Variants in PLD5 observed in about 807,000 individuals in gnomAD.
PLD5 encodes the protein inactive phospholipase D5.
Under a neutral mutation model 61.1 loss-of-function variants are expected in PLD5, and 36 were observed. The observed-to-expected ratio is 0.59, with a 90% confidence interval of 0.45 to 0.78. The LOEUF is 0.78. Ranked by LOEUF, PLD5 falls within the 30% of genes least tolerant of loss-of-function variation. The pLI, the probability that PLD5 is intolerant of heterozygous loss-of-function variation, is 0.00. For missense variants in PLD5, 515 were observed against 644.4 expected (o/e 0.80, Z 2.17); for synonymous variants, 243 against 242.8 (o/e 1.00, Z -0.01).
intron 5 of PLD5, among the ~76,000 whole-genome samples, chr1:242,204,856 C>T (rs1003824880): frequency 6.6e-6 from 1 of 152,122 alleles, no homozygotes. Flanking sequence ...CTATGTTATA[C>T]TGCCAAACAA....
chr1:242,381,266 G>A (rs1205113870), intron 1 of PLD5, among the ~76,000 whole-genome samples: 1 of 152,152 alleles, frequency 6.6e-6, no homozygotes, highest in East Asian at 1.9e-4. Context: ...AATGGAGCTG[G>A]AGGCCATTAT....
At chr1:242,335,307 C>A (rs1010327674) in intron 2 of PLD5, among the ~76,000 whole-genome samples, 1 of 152,150 alleles carries the variant, frequency 6.6e-6, no homozygotes, top group African/African-American at 2.4e-5. Flanking sequence ...GAATCAATAA[C>A]ACTGGATCCT....
intron 5 of PLD5, among the ~76,000 whole-genome samples, chr1:242,195,149 A>G (rs1454708558): frequency 3.9e-5 from 6 of 152,254 alleles, no homozygotes; most frequent in Non-Finnish European, 5.9e-5. Flanking sequence ...GACTTTTCTA[A>G]CAAAAAGAGA....
intron 8 of PLD5, among the ~76,000 whole-genome samples, chr1:242,106,638 C>T (rs960308436): frequency 2.6e-5 from 4 of 152,214 alleles, no homozygotes; most frequent in East Asian, 3.8e-4. Context: ...CCTCCAATTT[C>T]GCTCTTCTCC....
intron 2 of PLD5, among the ~76,000 whole-genome samples, chr1:242,320,822 A>G (rs973084735): frequency 1.3e-5 from 2 of 152,150 alleles, no homozygotes; most frequent in African/African-American, 4.8e-5. Context: ...TTGGGATTTA[A>G]TTGATTTGGG....
chr1:242,089,101 C>A lies in PLD5; in HGVS notation c.*753G>T, dbSNP rs182496882. 2 of 380,710 alleles carry A rather than the reference C, an allele frequency of 5.3e-6. No individual in the cohort carries two copies. Among genetic ancestry groups the A allele is most frequent in the Non-Finnish European group, 9.3e-6 (2 of 215,326 alleles). 23.6% of individuals were successfully genotyped at this position (380,710 alleles called of 1,614,324 possible). On this transcript the variant is annotated 3_prime_UTR_variant, in exon 10 of 10. Coordinates refer to ENST00000536534, the MANE Select transcript of PLD5 (RefSeq NM_001372062.1). ...CTGTGATTTTTTTTAAATACCAATT[C>A]GGTAGGGGAAAAAAGGATTCAGTTG...
rs987430489 is a variant in PLD5 at position 242,139,546 on chromosome 1, G to A, written c.736-14881C>T. 1.2e-4 allele frequency among the ~76,000 whole-genome samples: 18 copies of A among 152,126 alleles called. 2 individuals are homozygous for A. Among genetic ancestry groups the A allele is most frequent in the Admixed American group, 1.2e-3 (18 of 15,270 alleles). On this transcript the variant is annotated intron_variant, in intron 5 of 9. Coordinates refer to ENST00000536534, the MANE Select transcript of PLD5 (RefSeq NM_001372062.1). ...CAGTGGTCGAGGGAGACCCTATACT[G>A]GTGACACAGTAGCTCAGGATCCTTC...
chr1:242,284,151 AT>A (rs1674887404), intron 3 of PLD5, among the ~76,000 whole-genome samples: 1 of 39,254 alleles, frequency 2.5e-5, no homozygotes, highest in Admixed American at 3.0e-4. Context: ...TTTTTTTTTT[AT>A]AGATACACAG....
intron 1 of PLD5, among the ~76,000 whole-genome samples, chr1:242,426,876 G>A (rs779044692): frequency 3.2e-4 from 48 of 152,290 alleles, no homozygotes; most frequent in Non-Finnish European, 5.0e-4. Flanking sequence ...TGGCATGTGA[G>A]CAGAAGTGAT....
chr1:242,472,912 T>C (rs1228472865), intron 1 of PLD5, among the ~76,000 whole-genome samples: 1 of 152,188 alleles, frequency 6.6e-6, no homozygotes, highest in African/African-American at 2.4e-5. Flanking sequence ...GTCTTAAAGA[T>C]TATTTTTAAG....
intron 1 of PLD5, chr1:242,376,926 T>G (rs920718531): frequency 7.6e-5 from 121 of 1,602,144 alleles, no homozygotes; most frequent in Admixed American, 1.2e-4. Context: ...CTGTGGCTAT[T>G]TCTCGGCTGA....
chr1:242,369,271 T>C (rs1052537101), intron 1 of PLD5, among the ~76,000 whole-genome samples: 3 of 152,182 alleles, frequency 2.0e-5, no homozygotes, highest in South Asian at 4.1e-4. Context: ...GTTGGGGAAA[T>C]AGGCATTGGG....
Position 242,124,596 on chromosome 1 carries a change from G to A in PLD5, c.805C>T (p.Leu269=), listed in dbSNP as rs538505826. 1.9e-6 allele frequency: 3 copies of A among 1,613,862 alleles called. No homozygotes were observed. The Admixed American group carries it at 5.0e-5, about 27-fold the overall frequency. The change falls in exon 6 of 10, where the codon CTA becomes TTA. Residue 269 remains leucine, a synonymous_variant. Coordinates refer to ENST00000536534, the MANE Select transcript of PLD5 (RefSeq NM_001372062.1). ...LVLDLQRIFA[L]YSSLKFKSRV... is the part of the protein sequence containing the mutation. ...CTTTTGAATTTTAATGAACTATATAGAGCAAATATCCTTTGTAAATCTAGG... is the reference window on the plus strand; with the variant it reads ...CTTTTGAATTTTAATGAACTATATAAAGCAAATATCCTTTGTAAATCTAGG...
At chr1:242,330,024 G>GT (rs1404685644) in intron 2 of PLD5, among the ~76,000 whole-genome samples, 1 of 152,030 alleles carries the variant, frequency 6.6e-6, no homozygotes, top group African/African-American at 2.4e-5. Context: ...TTGTAAGACA[G>GT]TTTTTTTAAA....
chr1:242,383,953 T>G (rs911736743), intron 1 of PLD5, among the ~76,000 whole-genome samples: 10 of 152,168 alleles, frequency 6.6e-5, no homozygotes, highest in Non-Finnish European at 1.5e-4. Context: ...GCTTCCACTG[T>G]CACCTCAGGC....
chr1:242,477,037 G>A (rs560841828), intron 1 of PLD5, among the ~76,000 whole-genome samples: 1 of 152,310 alleles, frequency 6.6e-6, no homozygotes, highest in African/African-American at 2.4e-5. Context: ...ATCACTTGAG[G>A]TCAGGAGTTT....
chr1:242,191,502 C>T (rs2148930078), intron 5 of PLD5, among the ~76,000 whole-genome samples: 2 of 152,122 alleles, frequency 1.3e-5, no homozygotes, highest in Admixed American at 1.3e-4. Flanking sequence ...AGGAAAATCG[C>T]TTGAACCCAG....
At chr1:242,318,793 A>T (rs1456910852) in intron 2 of PLD5, among the ~76,000 whole-genome samples, 4 of 152,134 alleles carry the variant, frequency 2.6e-5, no homozygotes, top group Admixed American at 2.0e-4. Context: ...TCTAGGCTAT[A>T]ACTTTTTTAA....
chr1:242,250,409 G>A (rs182335675), intron 4 of PLD5, among the ~76,000 whole-genome samples: 2 of 152,320 alleles, frequency 1.3e-5, no homozygotes, highest in African/African-American at 4.8e-5. Flanking sequence ...AGGGGAATGG[G>A]GAAGGGCAGA....
Sources: gnomAD v4.1 joint callset for allele counts (sites outside exome capture counted in the v4.1 genomes callset) on GRCh38, gnomAD v4.1.1 for gene constraint, MANE v1.5 for transcripts, NCBI Gene and HGNC (gene_info 2026-07-23, HGNC 2026-07-21) for gene names.